The following SPTLC3 variants were observed in gnomAD, a reference collection of about 807,000 sequenced individuals.
SPTLC3 encodes the protein serine palmitoyltransferase long chain base subunit 3, also known as serine palmitoyltransferase 3.
SPTLC3 carries 36 observed loss-of-function variants against 59.3 expected under a neutral mutation model. The ratio of observed to expected loss-of-function variants is 0.61; its 90% CI spans 0.47 to 0.80. SPTLC3 has a LOEUF of 0.80. SPTLC3 is among the 30% of genes least tolerant of loss of function. The pLI is 0.00. For missense variants in SPTLC3, 625 were observed against 685.1 expected (o/e 0.91, Z 0.98); for synonymous variants, 257 against 240.8 (o/e 1.07, Z -0.62).
chr20:13,024,151 T>C (rs1986031326), intron 1 of SPTLC3, among the ~76,000 whole-genome samples: 2 of 152,202 alleles, frequency 1.3e-5, no homozygotes, highest in Non-Finnish European at 2.9e-5. Flanking sequence ...CTATCGTCAT[T>C]TTTTAGATGA....
chr20:13,161,441 A>T (rs1284950240), intron 11 of SPTLC3, among the ~76,000 whole-genome samples: 1 of 152,204 alleles, frequency 6.6e-6, no homozygotes, highest in Non-Finnish European at 1.5e-5. Context: ...AGCCAACAGT[A>T]GAAGATGTAA....
At chr20:13,104,743 T>C (rs547995522) in intron 6 of SPTLC3, among the ~76,000 whole-genome samples, 1 of 152,214 alleles carries the variant, frequency 6.6e-6, no homozygotes, top group Non-Finnish European at 1.5e-5. Context: ...AACCACACTG[T>C]ACCATAGCAC....
rs144828274 is a variant in SPTLC3, at chr20:13,127,917, CT to C, written c.1279+1202del. On this transcript the variant is annotated intron_variant, in intron 9 of 11. Coordinates refer to ENST00000399002, the MANE Select transcript of SPTLC3 (RefSeq NM_018327.4). ...AAACGACAGTCCAGTCTAGGAAGCC[CT>C]TATGGTATGAGACTGAAGGTAGCTG... 4.0e-3 allele frequency among the ~76,000 whole-genome samples: 613 copies of C among 152,214 alleles called. 3 individuals are homozygous for C. The highest frequency in any genetic ancestry group is 0.014 in the African/African-American group (584 of 41,546).
intron 1 of SPTLC3, among the ~76,000 whole-genome samples, chr20:13,040,147 T>C (rs1196951085): frequency 6.6e-6 from 1 of 152,072 alleles, no homozygotes; most frequent in Non-Finnish European, 1.5e-5. Context: ...ATTTAACATT[T>C]CTGGTTTTAT....
chr20:13,127,071 A>G (rs1219248390), intron 9 of SPTLC3, among the ~76,000 whole-genome samples: 1 of 152,232 alleles, frequency 6.6e-6, no homozygotes, highest in Non-Finnish European at 1.5e-5. Flanking sequence ...CTAAGACCAA[A>G]GTAGCCAATT....
chr20:13,156,345 C>T (rs989065782), intron 10 of SPTLC3, among the ~76,000 whole-genome samples: 3 of 152,060 alleles, frequency 2.0e-5, no homozygotes, highest in Non-Finnish European at 2.9e-5. Context: ...GAGAAGAGTC[C>T]GTAAGTAGTG....
chr20:13,161,271 C>T (rs1339376020), intron 11 of SPTLC3, among the ~76,000 whole-genome samples: 2 of 152,144 alleles, frequency 1.3e-5, no homozygotes, highest in East Asian at 3.9e-4. Context: ...TAAGGAACAG[C>T]AAATTTTCAA....
At chr20:13,153,978 G>A (rs2038709651) in intron 9 of SPTLC3, 25 bp from the exon 10 acceptor site, 1 of 1,610,882 alleles carries the variant, frequency 6.2e-7, no homozygotes, top group African/African-American at 1.3e-5. Flanking sequence ...GGGAATTGAT[G>A]GATTTCACGC....
chr20:13,113,197 C>A (rs6109713), intron 7 of SPTLC3, among the ~76,000 whole-genome samples: 51,617 of 151,796 alleles, frequency 0.34, 8,824 homozygotes, highest in African/African-American at 0.37. Flanking sequence ...ACAACAACAA[C>A]AAAAAATTAT....
rs1442468764 is a variant in SPTLC3 at position 13,061,227 on chromosome 20, T to C, written c.304-11029T>C. Among the ~76,000 whole-genome samples, 5 of 152,314 alleles carry C rather than the reference T, an allele frequency of 3.3e-5. No individual in the cohort carries two copies. In the South Asian group the frequency reaches 8.3e-4, roughly 25 times the overall value. On this transcript the variant is annotated intron_variant, in intron 2 of 11. Transcript: ENST00000399002. ...GGTGCATATGCTCTACCTTGTTTTG[T>C]CTTCGAAGCATCTTTCTAGAAAGCT...
chr20:13,107,551 A>G (rs910842263), intron 6 of SPTLC3, among the ~76,000 whole-genome samples: 5 of 152,180 alleles, frequency 3.3e-5, no homozygotes, highest in African/African-American at 1.2e-4. Flanking sequence ...AAAGAACACA[A>G]TAGTGATGCC....
chr20:13,094,753 G>A (rs571292953), intron 6 of SPTLC3, among the ~76,000 whole-genome samples: 1 of 152,304 alleles, frequency 6.6e-6, no homozygotes, highest in African/African-American at 2.4e-5. Context: ...CTCACTGAGT[G>A]GGGTGAGGTC....
intron 3 of SPTLC3, chr20:13,074,036 C>G: frequency 1.6e-6 from 1 of 637,710 alleles, no homozygotes; most frequent in South Asian, 1.4e-5. Context: ...AGCTCTGGAG[C>G]TGTGGCAGGT....
intron 2 of SPTLC3, among the ~76,000 whole-genome samples, chr20:13,066,976 T>G (rs1457023689): frequency 7.0e-6 from 1 of 142,588 alleles, no homozygotes; most frequent in Non-Finnish European, 1.5e-5. Context: ...TGGTCATTAT[T>G]TTTTGAACTG....
At chr20:13,030,200 AG>A (rs775959724) in intron 1 of SPTLC3, among the ~76,000 whole-genome samples, 2 of 152,172 alleles carry the variant, frequency 1.3e-5, no homozygotes, top group African/African-American at 2.4e-5. Flanking sequence ...GAAATGCCAC[AG>A]GGCACACCAC....
chr20:13,054,138 G>C (rs774661908), intron 2 of SPTLC3, among the ~76,000 whole-genome samples: 3 of 152,212 alleles, frequency 2.0e-5, no homozygotes, highest in Non-Finnish European at 4.4e-5. Flanking sequence ...GTGCAAGATG[G>C]TCCAGAGGTT....
chr20:13,028,441 C>A (rs537594890), intron 1 of SPTLC3, among the ~76,000 whole-genome samples: 1 of 152,024 alleles, frequency 6.6e-6, no homozygotes, highest in Non-Finnish European at 1.5e-5. Flanking sequence ...GATCTAATAA[C>A]CCCTTATCCA....
At chr20:13,135,554 A>G (rs1302812671) in intron 9 of SPTLC3, among the ~76,000 whole-genome samples, 1 of 152,244 alleles carries the variant, frequency 6.6e-6, no homozygotes, top group East Asian at 1.9e-4. Context: ...TGAAACAGCA[A>G]CTATATATCT....
At chr20:13,108,228 T>G (rs1363555837) in intron 6 of SPTLC3, among the ~76,000 whole-genome samples, 1 of 152,218 alleles carries the variant, frequency 6.6e-6, no homozygotes, top group East Asian at 1.9e-4. Flanking sequence ...TATTTAAATG[T>G]GGTTTGCTTA....
Sources: allele counts gnomAD v4.1 joint callset (sites outside exome capture counted in the v4.1 genomes callset), GRCh38; gene constraint gnomAD v4.1.1; transcripts MANE v1.5; gene names NCBI Gene and HGNC (gene_info 2026-07-23, HGNC 2026-07-21).